RNF13: variants seen among roughly 807,000 people sequenced by gnomAD.
RNF13 encodes ring finger protein 13.
In RNF13, 19 loss-of-function variants were observed where a neutral mutation model predicts 37.7. The ratio of observed to expected loss-of-function variants is 0.50; its 90% confidence interval spans 0.35 to 0.74. RNF13 has a LOEUF of 0.74. Among genes scored for constraint, RNF13 ranks in the 30% least tolerant of loss-of-function variants. The probability of loss-of-function intolerance (pLI) is 0.01; values close to 1 mark genes in which losing one functional copy is unlikely to be tolerated. For missense variants in RNF13, 375 were observed against 453.0 expected (o/e 0.83, Z 1.56); for synonymous variants, 144 against 157.8 (o/e 0.91, Z 0.65).
rs529566868 is a variant in RNF13 at position 149,839,407 on chromosome 3, A to G, written c.-16-6604A>G. Among the ~76,000 whole-genome samples, 24 of 120,816 alleles carry G rather than the reference A, an allele frequency of 2.0e-4. 1 individual carries two copies. In the South Asian group the frequency reaches 3.9e-3, roughly 20 times the overall value. The allele number at this position is 120,816 out of a possible 152,430, so 79.3% of individuals were successfully genotyped here. A position where few individuals can be genotyped will look rare whatever the true frequency, so the allele number is the denominator to read the frequency against. ...TATGTTAGTCCATTTTCATACTGCT[A>G]TGATGAAATACTCAAGACTGGGTAA... On this transcript the variant is annotated intron_variant, in intron 1 of 9. Coordinates refer to ENST00000392894, the MANE Select transcript of RNF13 (RefSeq NM_183381.3).
In RNF13 at chr3:149,939,542, T is replaced by C. The variant is rs112084791; in HGVS notation, c.700+18315T>C. The C allele has an allele frequency of 4.1e-4, 243 of 587,984 alleles. 2 individuals carry two copies. Among genetic ancestry groups the C allele is most frequent in the African/African-American group, 2.9e-3 (157 of 54,200 alleles). The allele number at this position is 587,984 out of a possible 1,614,324, so 36.4% of individuals were successfully genotyped here. A position where few individuals can be genotyped will look rare whatever the true frequency, so the allele number is the denominator to read the frequency against. On this transcript the variant is annotated intron_variant, in intron 8 of 9. Coordinates refer to ENST00000392894, the MANE Select transcript of RNF13 (RefSeq NM_183381.3). ...GTTATTTCAAGGCCCCCAGAAACCA[T>C]TGGCTGTACAGACATTTTCAAAGTT...
intron 3 of RNF13, among the ~76,000 whole-genome samples, chr3:149,858,512 G>A (rs1190560783): frequency 2.0e-5 from 3 of 152,200 alleles, no homozygotes; most frequent in Non-Finnish European, 4.4e-5. Context: ...GCTTTGATCA[G>A]TAAGCCAAGT....
chr3:149,902,283 T>C (rs1576848900), intron 6 of RNF13, 121 bp downstream of exon 6: 5 of 480,806 alleles, frequency 1.0e-5, no homozygotes, highest in South Asian at 3.7e-5. Context: ...AAATTATCCC[T>C]TTTTAAATCA....
intron 4 of RNF13, among the ~76,000 whole-genome samples, chr3:149,880,931 T>A (rs1223460660): frequency 1.3e-5 from 2 of 152,248 alleles, no homozygotes; most frequent in African/African-American, 4.8e-5. Flanking sequence ...GTAAGAAGTT[T>A]ATTTTTACTT....
At chr3:149,844,347 A>G (rs1305104098) in intron 1 of RNF13, among the ~76,000 whole-genome samples, 5 of 152,230 alleles carry the variant, frequency 3.3e-5, no homozygotes, top group African/African-American at 1.2e-4. Context: ...GTCCTTTCCC[A>G]GTGGAGTTAC....
chr3:149,903,450 A>G (rs1041740919), intron 6 of RNF13, among the ~76,000 whole-genome samples: 25 of 152,112 alleles, frequency 1.6e-4, no homozygotes, highest in African/African-American at 5.8e-4. Context: ...ATTTAAAGTG[A>G]AAGTCTCTAT....
intron 1 of RNF13, among the ~76,000 whole-genome samples, chr3:149,819,440 C>G (rs1719811465): frequency 8.0e-6 from 1 of 125,564 alleles, no homozygotes; most frequent in South Asian, 2.3e-4. Flanking sequence ...TCATAATACT[C>G]ACTTTCATAC....
At chr3:149,912,125 G>A in intron 7 of RNF13, 42 bp downstream of exon 7, 1 of 947,544 alleles carries the variant, frequency 1.1e-6, no homozygotes, top group Non-Finnish European at 1.7e-6. Context: ...AAATAGTATG[G>A]ATGAATCTAA....
chr3:149,872,108 C>G lies in RNF13; in HGVS notation c.275C>G (p.Thr92Ser). 6.2e-7 allele frequency: 1 copy of G among 1,600,830 alleles called. No individual in the cohort carries two copies. Among genetic ancestry groups the G allele is most frequent in the East Asian group, 2.2e-5 (1 of 44,546 alleles). ...PPPVKDNSSGTFIVLIRRLDC... is the reference protein window; with the variant it reads ...PPPVKDNSSGSFIVLIRRLDC... ...CCAGTAAAAGACAATTCATCTGGCACTTTCATCGTGTTAATTAGAAGACTT... is the reference window on the plus strand; with the variant it reads ...CCAGTAAAAGACAATTCATCTGGCAGTTTCATCGTGTTAATTAGAAGACTT... The change falls in exon 4 of 10, where the codon ACT (threonine) becomes AGT (serine). Residue 92 changes from threonine to serine, a missense_variant. Coordinates refer to ENST00000392894, the MANE Select transcript of RNF13 (RefSeq NM_183381.3).
intron 6 of RNF13, among the ~76,000 whole-genome samples, chr3:149,911,444 G>A (rs1194807105): frequency 6.6e-6 from 1 of 152,096 alleles, no homozygotes; most frequent in African/African-American, 2.4e-5. Context: ...AATCACCTGA[G>A]GTCAAGAATT....
chr3:149,860,271 ATATATATATATAT>A (rs1282297184), intron 3 of RNF13, among the ~76,000 whole-genome samples: 2 of 81,968 alleles, frequency 2.4e-5, no homozygotes, highest in South Asian at 8.6e-4. Context: ...AAAAAAAAAA[ATATATATATATAT>A]ATATATATAT....
chr3:149,895,585 C>G, intron 5 of RNF13, 25 bp downstream of exon 5: 1 of 1,416,080 alleles, frequency 7.1e-7, no homozygotes, highest in Non-Finnish European at 9.8e-7. Flanking sequence ...CACTTTTCTT[C>G]TCTCCTGTTT....
At chr3:149,868,737 A>G (rs971653843) in intron 3 of RNF13, among the ~76,000 whole-genome samples, 1 of 150,668 alleles carries the variant, frequency 6.6e-6, no homozygotes, top group Admixed American at 6.6e-5. Flanking sequence ...ACTCCTTTGT[A>G]TATCATTTTC....
intron 3 of RNF13, among the ~76,000 whole-genome samples, chr3:149,858,433 G>A (rs1723880307): frequency 6.6e-6 from 1 of 152,214 alleles, no homozygotes; most frequent in African/African-American, 2.4e-5. Flanking sequence ...TTTTTAGGAA[G>A]TGCCTTGATA....
chr3:149,852,711 A>T (rs1723222977), intron 3 of RNF13, 115 bp downstream of exon 3: 8 of 471,412 alleles, frequency 1.7e-5, no homozygotes, highest in Middle Eastern at 5.7e-4. Flanking sequence ...TAAAGCCTAT[A>T]TATAGTCATT....
At chr3:149,831,595 G>C (rs1319766990) in intron 1 of RNF13, among the ~76,000 whole-genome samples, 1 of 152,152 alleles carries the variant, frequency 6.6e-6, no homozygotes, top group Non-Finnish European at 1.5e-5. Context: ...GATTTTACAG[G>C]CTCATAGGCG....
chr3:149,861,676 A>G (rs937410220), intron 3 of RNF13, among the ~76,000 whole-genome samples: 1 of 152,136 alleles, frequency 6.6e-6, no homozygotes, highest in African/African-American at 2.4e-5. Context: ...AGTGGGTACA[A>G]ACATGCAGTT....
chr3:149,956,629 AG>A (rs1341632691), intron 8 of RNF13, among the ~76,000 whole-genome samples: 4 of 152,362 alleles, frequency 2.6e-5, no homozygotes, highest in African/African-American at 9.6e-5. Flanking sequence ...TTACTTTAAA[AG>A]TACCTTCATG....
In RNF13 at chr3:149,961,361, T is replaced by TA. The variant is rs61689176; in HGVS notation, c.*270dup. The TA allele has an allele frequency of 0.49, 255,253 of 520,098 alleles. 30,806 individuals are homozygous for TA. The highest frequency in any genetic ancestry group is 0.58 in the East Asian group (12,767 of 21,936). The allele number at this position is 520,098 out of a possible 1,614,324, so 32.2% of individuals were successfully genotyped here. A position where few individuals can be genotyped will look rare whatever the true frequency, so the allele number is the denominator to read the frequency against. ...TTGGAATGAAAGTATAGCCAAAACA[T>TA]AAAAAAAAAAAAATCCTCAGTATAG... On this transcript the variant is annotated 3_prime_UTR_variant, in exon 10 of 10. Transcript: ENST00000392894.
Sources: gnomAD v4.1 joint callset for allele counts (sites outside exome capture counted in the v4.1 genomes callset) on GRCh38, gnomAD v4.1.1 for gene constraint, MANE v1.5 for transcripts, NCBI Gene and HGNC (gene_info 2026-07-23, HGNC 2026-07-21) for gene names.